The following CYP4X1 variants were observed in gnomAD, a reference collection of about 807,000 sequenced individuals.
The protein encoded by CYP4X1 is cytochrome P450 family 4 subfamily X member 1.
A neutral mutation model predicts 57.9 loss-of-function variants in CYP4X1; 44 were observed. The observed-to-expected ratio is 0.76, with a 90% CI of 0.60 to 0.98. The LOEUF is 0.98. Ranked by LOEUF, CYP4X1 falls within the 50% of genes least tolerant of loss-of-function variation. The pLI is 0.00. For synonymous variants in CYP4X1, 227 were observed against 228.6 expected, an observed-to-expected ratio of 0.99 and a Z score of 0.06; for missense variants, 532 against 623.9, an observed-to-expected ratio of 0.85 and a Z score of 1.57.
At chr1:47,018,309 T>A in the CYP4X1 span, among the ~76,000 whole-genome samples, 1 of 152,226 alleles carries the variant, frequency 6.6e-6, no homozygotes, top group Admixed American at 6.5e-5. Flanking sequence ...TGGGCTTTTG[T>A]TACGTTCCAG....
At chr1:46,972,669 TC>T in the CYP4X1 span, among the ~76,000 whole-genome samples, 1 of 152,176 alleles carries the variant, frequency 6.6e-6, no homozygotes, top group East Asian at 1.9e-4. Context: ...TTAGCTGTAT[TC>T]CTAGGTATTT....
At chr1:46,983,498 GTC>G in the CYP4X1 span, among the ~76,000 whole-genome samples, 1 of 152,262 alleles carries the variant, frequency 6.6e-6, no homozygotes, top group Non-Finnish European at 1.5e-5. Flanking sequence ...CCTGTGGATT[GTC>G]TCTGGGATTT....
chr1:47,005,478 G>A, the CYP4X1 span, among the ~76,000 whole-genome samples: 1 of 152,162 alleles, frequency 6.6e-6, no homozygotes, highest in Non-Finnish European at 1.5e-5. Flanking sequence ...TTGGGGCAAA[G>A]TAAAGCCGGT....
chr1:47,024,859 C>T (rs1644044919), intron 1 of CYP4X1, among the ~76,000 whole-genome samples: 1 of 152,216 alleles, frequency 6.6e-6, no homozygotes, highest in Non-Finnish European at 1.5e-5. Context: ...AGCAGAGCTA[C>T]TACACGATCC....
chr1:47,004,182 C>T, the CYP4X1 span, among the ~76,000 whole-genome samples: 14 of 152,102 alleles, frequency 9.2e-5, no homozygotes, highest in South Asian at 4.1e-4. Flanking sequence ...AATTCTGTAA[C>T]GGGGCTCTTG....
Position 47,023,933 on chromosome 1 carries a change from T to A in CYP4X1, c.116T>A (p.Leu39Gln), listed in dbSNP as rs1244900879. The A allele has an allele frequency of 1.9e-6, 3 of 1,613,534 alleles. No individual in the cohort carries two copies. The highest frequency in any genetic ancestry group is 2.5e-6 in the Non-Finnish European group (3 of 1,179,962). The change falls in exon 1 of 12, where the codon CTG becomes CAG. Residue 39 changes from leucine (L) to glutamine (Q), a missense_variant. Leu to Gln is a moderately radical substitution (Grantham distance 113). Transcript: ENST00000371901. ...AAGCTGTACCTGCGGAGGCAGCGGC[T>A]GCTGCGGGACCTGCGCCCCTTCCCA... ...AIKLYLRRQR[L>Q]LRDLRPFPAP... is the part of the protein sequence containing the mutation.
At chr1:47,030,155 G>C (rs1644110945) in intron 2 of CYP4X1, 24 bp downstream of exon 2, 2 of 1,591,206 alleles carry the variant, frequency 1.3e-6, no homozygotes, top group Non-Finnish European at 1.7e-6. Context: ...GAAAGCTCTG[G>C]GACCTATTCC....
intron 8 of CYP4X1, among the ~76,000 whole-genome samples, chr1:47,044,140 T>A (rs1272907638): frequency 6.6e-6 from 1 of 152,222 alleles, no homozygotes; most frequent in Non-Finnish European, 1.5e-5. Flanking sequence ...AATTGTTTTC[T>A]TGATGTTTTA....
At chr1:47,011,640 A>G in the CYP4X1 span, among the ~76,000 whole-genome samples, 1 of 152,204 alleles carries the variant, frequency 6.6e-6, no homozygotes, top group South Asian at 2.1e-4. Flanking sequence ...AATGGGAAAA[A>G]ATTTTTACAA....
the CYP4X1 span, among the ~76,000 whole-genome samples, chr1:46,988,814 C>G: frequency 1.3e-5 from 2 of 152,068 alleles, no homozygotes; most frequent in African/African-American, 4.8e-5. Context: ...TAGATTATCT[C>G]AACAGATGCA....
the CYP4X1 span, among the ~76,000 whole-genome samples, chr1:46,993,514 T>A: frequency 6.6e-6 from 1 of 152,234 alleles, no homozygotes; most frequent in Non-Finnish European, 1.5e-5. Context: ...CCACACTGAC[T>A]TACACAATGG....
chr1:46,968,411 C>T, the CYP4X1 span, among the ~76,000 whole-genome samples: 6 of 152,212 alleles, frequency 3.9e-5, 1 homozygote, highest in South Asian at 1.2e-3. Flanking sequence ...AATGCCCCAG[C>T]TGTCAGCCAG....
chr1:46,996,364 A>G, the CYP4X1 span, among the ~76,000 whole-genome samples: 1 of 152,128 alleles, frequency 6.6e-6, no homozygotes, highest in African/African-American at 2.4e-5. Flanking sequence ...ATTCCAGGTG[A>G]CATTTCATGT....
At chr1:47,045,367 A>C (rs1569653185) in intron 8 of CYP4X1, among the ~76,000 whole-genome samples, 2 of 152,224 alleles carry the variant, frequency 1.3e-5, no homozygotes, top group African/African-American at 4.8e-5. Flanking sequence ...ATAAACTTTA[A>C]ACCTGCTTTG....
the CYP4X1 span, among the ~76,000 whole-genome samples, chr1:46,981,203 G>C: frequency 1.5e-4 from 23 of 152,184 alleles, no homozygotes; most frequent in African/African-American, 5.1e-4. Flanking sequence ...GCCACCTACA[G>C]AATGGGAGAA....
chr1:47,055,134 G>T (rs1320273243), downstream of CYP4X1, among the ~76,000 whole-genome samples: 1 of 152,156 alleles, frequency 6.6e-6, no homozygotes, highest in Non-Finnish European at 1.5e-5. Context: ...CATGAAGGTT[G>T]TTGAATTTTG....
In CYP4X1 at chr1:47,048,576, G is replaced by T; in HGVS notation, c.1219G>T (p.Val407Phe). Residue 407 changes from valine (V) to phenylalanine (F), a missense_variant, in exon 10 of 12, where the codon GTT (valine) becomes TTT (phenylalanine). Coordinates refer to ENST00000371901, the MANE Select transcript of CYP4X1 (RefSeq NM_178033.2). Reference protein sequence around the residue: ...GCTLPAGITVVLSIWGLHHNP... With the variant: ...GCTLPAGITVFLSIWGLHHNP... Reference sequence around the variant, plus strand: ...CCCTCCTTTCTTAGGGATCACCGTGGTTCTTAGTATTTGGGGTCTTCACCA... The same window carrying T: ...CCCTCCTTTCTTAGGGATCACCGTGTTTCTTAGTATTTGGGGTCTTCACCA... 6.2e-7 allele frequency: 1 copy of T among 1,614,128 alleles called. No homozygotes were observed. The highest frequency in any genetic ancestry group is 8.5e-7 in the Non-Finnish European group (1 of 1,180,004).
chr1:47,031,592 G>T, intron 3 of CYP4X1, 112 bp downstream of exon 3: 1 of 1,214,672 alleles, frequency 8.2e-7, no homozygotes, highest in Non-Finnish European at 1.2e-6. Context: ...AGAGTGCAAG[G>T]TAGAGCTATA....
At chr1:47,036,387 C>CATAT (rs1198642261) in intron 6 of CYP4X1, among the ~76,000 whole-genome samples, 3 of 134,694 alleles carry the variant, frequency 2.2e-5, no homozygotes, top group East Asian at 5.0e-4. Context: ...TATATATATA[C>CATAT]ACTATTTTTA....
Sources: allele counts gnomAD v4.1 joint callset (sites outside exome capture counted in the v4.1 genomes callset), GRCh38; gene constraint gnomAD v4.1.1; transcripts MANE v1.5; gene names NCBI Gene and HGNC (gene_info 2026-07-23, HGNC 2026-07-21).